The following LIPA variants were observed in gnomAD, a reference collection of about 807,000 sequenced individuals.
LIPA encodes the protein lysosomal acid lipase/cholesteryl ester hydrolase.
In LIPA, 26 loss-of-function variants were observed where a neutral mutation model predicts 40.6. That is an observed-to-expected ratio of 0.64 (90% confidence interval 0.47 to 0.89). LIPA has a LOEUF of 0.89. Ranked by LOEUF, LIPA falls within the 40% of genes least tolerant of loss-of-function variation. The probability of loss-of-function intolerance (pLI) is 0.00; values close to 1 mark genes in which losing one functional copy is unlikely to be tolerated. For synonymous variants in LIPA, 188 were observed against 168.4 expected, an observed-to-expected ratio of 1.12 and a Z score of -0.90; for missense variants, 455 against 479.6, an observed-to-expected ratio of 0.95 and a Z score of 0.48.
At chr10:89,398,101 A>G (rs190633461) in intron 2 of LIPA, among the ~76,000 whole-genome samples, 1 of 152,196 alleles carries the variant, frequency 6.6e-6, no homozygotes, top group African/African-American at 2.4e-5. Flanking sequence ...GTGGAGGATC[A>G]GTCAGAGTGA....
At position 89,359,815 on chromosome 10, in the gene LIPA, T is replaced by TCACACA. The variant is rs61589202; in HGVS notation, c.61+52970_61+52975dup. On this transcript the variant is annotated intron_variant, in intron 2 of 8. Coordinates refer to the LIPA transcript ENST00000371837. Reference sequence around the variant, plus strand: ...CTCTATCTATCTCTCTCTCTCTCTCTCACACACACACACACACACACACAC... The same window carrying TCACACA: ...CTCTATCTATCTCTCTCTCTCTCTCTCACACACACACACACACACACACACACACAC... Among the ~76,000 whole-genome samples the TCACACA allele has an allele frequency of 6.5e-3, 947 of 146,200 alleles. 7 individuals carry two copies. Among genetic ancestry groups the TCACACA allele is most frequent in the East Asian group, 0.031 (149 of 4,794 alleles).
intron 3 of LIPA, among the ~76,000 whole-genome samples, chr10:89,237,328 T>A (rs2133450409): frequency 6.6e-6 from 1 of 152,066 alleles, no homozygotes; most frequent in Admixed American, 6.5e-5. Context: ...TTTAAAAACT[T>A]TAAAAATATG....
intron 1 of LIPA, among the ~76,000 whole-genome samples, chr10:89,319,989 C>G (rs1320674130): frequency 6.6e-6 from 1 of 152,138 alleles, no homozygotes; most frequent in African/African-American, 2.4e-5. Context: ...TCAATAGATG[C>G]AGAAAAGGCC....
chr10:89,328,289 C>T (rs1843618664), intron 1 of LIPA, among the ~76,000 whole-genome samples: 1 of 152,024 alleles, frequency 6.6e-6, no homozygotes, highest in East Asian at 1.9e-4. Flanking sequence ...TGGAATGGTT[C>T]CCTACGGAAC....
intron 1 of LIPA, among the ~76,000 whole-genome samples, chr10:89,332,123 C>G (rs1350876758): frequency 6.6e-6 from 1 of 152,036 alleles, no homozygotes; most frequent in Non-Finnish European, 1.5e-5. Context: ...CCCAGCTACT[C>G]AGGAGGCTGA....
intron 2 of LIPA, chr10:89,404,751 T>G (rs1844501931): frequency 6.6e-6 from 1 of 152,188 alleles, no homozygotes; most frequent in Non-Finnish European, 1.5e-5. Context: ...ACCCAGGAGT[T>G]CGAGAGCAGC....
chr10:89,354,532 G>A (rs1045396224), intron 2 of LIPA, among the ~76,000 whole-genome samples: 16 of 152,130 alleles, frequency 1.1e-4, no homozygotes, highest in Non-Finnish European at 2.9e-5. Flanking sequence ...TATTCAAGTC[G>A]TTCTCCTTCA....
At chr10:89,317,378 G>A (rs981156123) in intron 1 of LIPA, among the ~76,000 whole-genome samples, 1 of 152,202 alleles carries the variant, frequency 6.6e-6, no homozygotes, top group African/African-American at 2.4e-5. Context: ...CTTAAATGAT[G>A]TGATGGAGCT....
chr10:89,307,286 GA>G (rs779399456), intron 1 of LIPA: 3 of 1,613,844 alleles, frequency 1.9e-6, no homozygotes, highest in Admixed American at 1.7e-5. Flanking sequence ...GGAGCTGAAT[GA>G]AAAAATGCAA....
intron 2 of LIPA, chr10:89,378,063 T>G: frequency 6.5e-7 from 1 of 1,549,626 alleles, no homozygotes; most frequent in African/African-American, 1.4e-5. Flanking sequence ...CCTAGAACTC[T>G]GTGGATGAAC....
At position 89,219,991 on chromosome 10, in the gene LIPA, C is replaced by A. The variant is rs1471899547; in HGVS notation, c.894+2520G>T. ...CTGGCCCTCACCCTGCAGCCTTTGACCCTGGCAAGCTGCTGGATAAGAGGG... is the reference window on the plus strand; with the variant it reads ...CTGGCCCTCACCCTGCAGCCTTTGAACCTGGCAAGCTGCTGGATAAGAGGG... On this transcript the variant is annotated intron_variant, in intron 8 of 9. Coordinates refer to ENST00000336233, the MANE Select transcript of LIPA (RefSeq NM_000235.4). 3.9e-5 allele frequency among the ~76,000 whole-genome samples: 6 copies of A among 152,206 alleles called. No individual in the cohort carries two copies. In the East Asian group the frequency reaches 9.6e-4, roughly 24 times the overall value.
chr10:89,384,779 A>G, intron 2 of LIPA: 2 of 1,424,078 alleles, frequency 1.4e-6, no homozygotes, highest in Non-Finnish European at 1.9e-6. Context: ...CTTATAACTA[A>G]ATAGAATGAC....
At chr10:89,318,890 G>C (rs1843555985) in intron 1 of LIPA, among the ~76,000 whole-genome samples, 2 of 152,132 alleles carry the variant, frequency 1.3e-5, no homozygotes, top group Admixed American at 6.5e-5. Flanking sequence ...AATCAAACTA[G>C]AACTCAGGAT....
intron 3 of LIPA, among the ~76,000 whole-genome samples, chr10:89,237,063 C>T (rs1842914097): frequency 6.6e-6 from 1 of 152,098 alleles, no homozygotes; most frequent in Non-Finnish European, 1.5e-5. Context: ...CTCTTGAGGC[C>T]AGGTGTTCGA....
chr10:89,303,631 C>A (rs1252530696), intron 1 of LIPA, among the ~76,000 whole-genome samples: 1 of 152,150 alleles, frequency 6.6e-6, no homozygotes, highest in Admixed American at 6.5e-5. Context: ...AGGGCTTTTA[C>A]CTAAGTGTGT....
intron 3 of LIPA, among the ~76,000 whole-genome samples, chr10:89,238,401 T>C (rs889148994): frequency 6.6e-6 from 1 of 152,156 alleles, no homozygotes; most frequent in Admixed American, 6.5e-5. Flanking sequence ...AAGACTTCCT[T>C]TACAACACTG....
intron 1 of LIPA, among the ~76,000 whole-genome samples, chr10:89,296,329 A>C (rs1170452367): frequency 6.6e-6 from 1 of 151,892 alleles, no homozygotes; most frequent in Non-Finnish European, 1.5e-5. Flanking sequence ...CCCCATCTCT[A>C]CTAAAAATAC....
At chr10:89,272,718 G>A (rs1843271789) in intron 1 of LIPA, among the ~76,000 whole-genome samples, 2 of 152,180 alleles carry the variant, frequency 1.3e-5, no homozygotes, top group African/African-American at 2.4e-5. Context: ...CACCAACAGT[G>A]TAAAAGTGTT....
At chr10:89,323,502 T>C (rs1031064887) in intron 1 of LIPA, among the ~76,000 whole-genome samples, 2 of 151,846 alleles carry the variant, frequency 1.3e-5, no homozygotes, top group African/African-American at 4.8e-5. Flanking sequence ...ACTATCTATC[T>C]TTGCAGACAA....
Sources: gnomAD v4.1 joint callset for allele counts (sites outside exome capture counted in the v4.1 genomes callset) on GRCh38, gnomAD v4.1.1 for gene constraint, MANE v1.5 for transcripts, NCBI Gene and HGNC (gene_info 2026-07-23, HGNC 2026-07-21) for gene names.